The following TXLNB variants were observed in gnomAD, a reference collection of about 807,000 sequenced individuals.
The protein encoded by TXLNB is beta-taxilin.
TXLNB carries 37 observed loss-of-function variants against 57.4 expected under a neutral mutation model. The ratio of observed to expected loss-of-function variants is 0.64; its 90% confidence interval spans 0.50 to 0.85. The LOEUF is 0.85. Ranked by LOEUF, TXLNB falls within the 40% of genes least tolerant of loss-of-function variation. The pLI is 0.00. For missense variants in TXLNB, 848 were observed against 825.6 expected (o/e 1.03, Z -0.33); for synonymous variants, 302 against 309.6 (o/e 0.98, Z 0.26).
chr6:139,268,616 T>G (rs987461898), intron 4 of TXLNB, among the ~76,000 whole-genome samples: 2 of 152,254 alleles, frequency 1.3e-5, no homozygotes, highest in African/African-American at 4.8e-5. Context: ...TGCTTGATCT[T>G]GGACAACCAA....
intron 4 of TXLNB, among the ~76,000 whole-genome samples, chr6:139,263,590 T>C (rs912409918): frequency 1.3e-5 from 2 of 152,230 alleles, no homozygotes; most frequent in African/African-American, 4.8e-5. Context: ...CTGTTCTCTT[T>C]TCTCCTAAAT....
At chr6:139,294,155 A>G (rs145195783), upstream of TXLNB, among the ~76,000 whole-genome samples, 237 of 152,328 alleles carry the variant, frequency 1.6e-3, 1 homozygote, top group African/African-American at 5.7e-3. Flanking sequence ...AGCCTACAAA[A>G]TCAATAAATG....
the TXLNB span, chr6:139,166,076 T>C: frequency 2.0e-6 from 1 of 500,762 alleles, no homozygotes; most frequent in Non-Finnish European, 3.5e-6. Context: ...GAAGGTCCTT[T>C]TTAGAGATTC....
downstream of TXLNB, among the ~76,000 whole-genome samples, chr6:139,238,494 T>C (rs1411709758): frequency 6.6e-6 from 1 of 152,250 alleles, no homozygotes; most frequent in Non-Finnish European, 1.5e-5. Flanking sequence ...TATATGTATG[T>C]GTGTGTGCAT....
chr6:139,250,558 T>C (rs1419447765), intron 7 of TXLNB, among the ~76,000 whole-genome samples: 1 of 152,056 alleles, frequency 6.6e-6, no homozygotes, highest in Admixed American at 6.6e-5. Flanking sequence ...GGTCACCTTC[T>C]ATCACAAAAT....
the TXLNB span, among the ~76,000 whole-genome samples, chr6:139,228,709 T>C: frequency 2.6e-5 from 4 of 151,870 alleles, no homozygotes; most frequent in African/African-American, 9.7e-5. Context: ...AAAAACCCAA[T>C]AGCTAGGTTA....
chr6:139,309,571 C>G, the TXLNB span, among the ~76,000 whole-genome samples: 1 of 152,030 alleles, frequency 6.6e-6, no homozygotes, highest in South Asian at 2.1e-4. Context: ...GCCTCTTGTC[C>G]AAACTACACA....
chr6:139,165,835 T>TA, the TXLNB span, among the ~76,000 whole-genome samples: 17 of 152,304 alleles, frequency 1.1e-4, no homozygotes, highest in Non-Finnish European at 1.6e-4. Context: ...GTACTTAAGA[T>TA]AGAGTACAAC....
rs1776758089 is a variant in TXLNB at position 139,271,330 on chromosome 6, T to G, written c.517-704A>C. 2.0e-5 allele frequency: 3 copies of G among 152,256 alleles called. No homozygotes were observed. In the South Asian group the frequency reaches 6.2e-4, roughly 32 times the overall value. The allele number at this position is 152,256 out of a possible 1,614,324, so 9.4% of individuals were successfully genotyped here. A position where few individuals can be genotyped will look rare whatever the true frequency, so the allele number is the denominator to read the frequency against. On this transcript the variant is annotated intron_variant, in intron 3 of 9. Coordinates refer to ENST00000358430, the MANE Select transcript of TXLNB (RefSeq NM_153235.4). ...GCACCCGCTCTGTGCTTATAACAAA[T>G]AAATCATTCTGCTGGTTTCTGCTGA...
the TXLNB span, among the ~76,000 whole-genome samples, chr6:139,305,994 C>G: frequency 6.6e-6 from 1 of 152,138 alleles, no homozygotes; most frequent in East Asian, 1.9e-4. Flanking sequence ...GAAGATCTAC[C>G]TAGGAAAATA....
chr6:139,207,947 G>A, the TXLNB span, among the ~76,000 whole-genome samples: 61 of 152,202 alleles, frequency 4.0e-4, no homozygotes, highest in African/African-American at 5.1e-4. Context: ...ATGGTGGTGC[G>A]CACCTATAAT....
chr6:139,313,134 G>A, the TXLNB span, among the ~76,000 whole-genome samples: 18 of 151,322 alleles, frequency 1.2e-4, no homozygotes, highest in African/African-American at 4.1e-4. Context: ...GTGCAGTGGC[G>A]CGATCTCGGC....
chr6:139,181,170 C>T, the TXLNB span, among the ~76,000 whole-genome samples: 3 of 152,220 alleles, frequency 2.0e-5, no homozygotes, highest in South Asian at 2.1e-4. Flanking sequence ...AAACTTAAGT[C>T]GTCCTGATTT....
At chr6:139,210,977 G>A in the TXLNB span, among the ~76,000 whole-genome samples, 11 of 152,214 alleles carry the variant, frequency 7.2e-5, no homozygotes, top group Non-Finnish European at 1.3e-4. Flanking sequence ...TAAACAAAGC[G>A]GCAGGAAGCT....
downstream of TXLNB, among the ~76,000 whole-genome samples, chr6:139,236,074 C>T (rs1411742758): frequency 2.0e-5 from 3 of 152,156 alleles, no homozygotes; most frequent in Admixed American, 2.0e-4. Flanking sequence ...CCCCATTCAC[C>T]TCACTGAGAA....
chr6:139,227,774 C>T, the TXLNB span, among the ~76,000 whole-genome samples: 1 of 152,112 alleles, frequency 6.6e-6, no homozygotes, highest in Admixed American at 6.6e-5. Flanking sequence ...GCAAAAGAAG[C>T]CAGACATAAA....
At chr6:139,160,734 C>A in the TXLNB span, among the ~76,000 whole-genome samples, 3 of 152,328 alleles carry the variant, frequency 2.0e-5, no homozygotes, top group East Asian at 5.8e-4. Context: ...ATTTTCTAAA[C>A]ACCTGTATGG....
intron 4 of TXLNB, among the ~76,000 whole-genome samples, chr6:139,265,578 T>C (rs17744662): frequency 0.084 from 12,811 of 152,276 alleles, 601 homozygotes; most frequent in Middle Eastern, 0.11. Flanking sequence ...TCCCAGCGCA[T>C]GGATTTTAGA....
At chr6:139,265,456 G>A (rs543956500) in intron 4 of TXLNB, among the ~76,000 whole-genome samples, 1 of 152,248 alleles carries the variant, frequency 6.6e-6, no homozygotes, top group South Asian at 2.1e-4. Flanking sequence ...CTGTGTGTGT[G>A]TGTGTGCGTT....
Sources: gnomAD v4.1 joint callset for allele counts (sites outside exome capture counted in the v4.1 genomes callset) on GRCh38, gnomAD v4.1.1 for gene constraint, MANE v1.5 for transcripts, NCBI Gene and HGNC (gene_info 2026-07-23, HGNC 2026-07-21) for gene names.